Variants in SOX5 observed in about 807,000 individuals in gnomAD.
SOX5 encodes the protein SRY-box transcription factor 5.
Under a neutral mutation model 92.0 loss-of-function variants are expected in SOX5, and 9 were observed. That is an observed-to-expected ratio of 0.10 (90% CI 0.06 to 0.17). The LOEUF (loss-of-function observed/expected upper bound fraction) is 0.17. Among genes scored for constraint, SOX5 ranks in the 10% least tolerant of loss-of-function variants. SOX5 has a pLI of 1.00. For missense variants in SOX5, 642 were observed against 944.5 expected (o/e 0.68, Z 4.20); for synonymous variants, 344 against 336.3 (o/e 1.02, Z -0.25).
intron 1 of SOX5, among the ~76,000 whole-genome samples, chr12:23,913,594 G>A (rs946797634): frequency 4.6e-5 from 7 of 151,938 alleles, no homozygotes; most frequent in Admixed American, 6.6e-5. Context: ...AAATTAGCCA[G>A]GTGTGGTGGC....
chr12:24,274,988 T>C (rs534599626), intron 3 of SOX5, among the ~76,000 whole-genome samples: 1 of 152,272 alleles, frequency 6.6e-6, no homozygotes, highest in East Asian at 1.9e-4. Flanking sequence ...ATGATCAAGA[T>C]GTCTAAGTGG....
intron 1 of SOX5, among the ~76,000 whole-genome samples, chr12:24,439,328 G>A (rs772859809): frequency 3.8e-4 from 58 of 152,298 alleles, no homozygotes; most frequent in Non-Finnish European, 4.7e-4. Context: ...CTGATTGATT[G>A]TAATATTTGC....
chr12:24,254,354 C>T (rs887363883), intron 3 of SOX5, among the ~76,000 whole-genome samples: 1 of 150,196 alleles, frequency 6.7e-6, no homozygotes, highest in Non-Finnish European at 1.5e-5. Flanking sequence ...TTGTGAGGGG[C>T]TTATGTCCTC....
chr12:23,759,296 A>G (rs1279134675), intron 3 of SOX5, among the ~76,000 whole-genome samples: 1 of 152,046 alleles, frequency 6.6e-6, no homozygotes, highest in Non-Finnish European at 1.5e-5. Context: ...GACAACCTAT[A>G]AGTATATAGC....
At chr12:23,985,670 T>G (rs954814509) in intron 4 of SOX5, among the ~76,000 whole-genome samples, 3 of 151,986 alleles carry the variant, frequency 2.0e-5, no homozygotes, top group African/African-American at 7.2e-5. Flanking sequence ...TTATTTTTTT[T>G]TTTCCAAGAG....
intron 1 of SOX5, among the ~76,000 whole-genome samples, chr12:24,428,223 A>AC (rs933031879): frequency 6.6e-6 from 1 of 152,038 alleles, no homozygotes; most frequent in African/African-American, 2.4e-5. Context: ...AAAAAAAAAA[A>AC]AAACCTGAGT....
intron 10 of SOX5, among the ~76,000 whole-genome samples, chr12:23,574,161 C>A (rs1362305870): frequency 6.6e-6 from 1 of 151,938 alleles, no homozygotes; most frequent in Non-Finnish European, 1.5e-5. Context: ...TAATGCAATA[C>A]CTATGATTCT....
At chr12:23,649,755 C>T (rs1029539248) in intron 7 of SOX5, among the ~76,000 whole-genome samples, 1 of 151,996 alleles carries the variant, frequency 6.6e-6, no homozygotes, top group Non-Finnish European at 1.5e-5. Context: ...TATAGTTGTG[C>T]ATATTTAGAT....
intron 4 of SOX5, among the ~76,000 whole-genome samples, chr12:24,036,869 A>T (rs1311252200): frequency 2.6e-5 from 4 of 152,206 alleles, no homozygotes; most frequent in Non-Finnish European, 5.9e-5. Context: ...ATTTCCTGAC[A>T]ATAAAGAATC....
At position 24,535,696 on chromosome 12, in the gene SOX5, T is replaced by C. The variant is rs372449001; in HGVS notation, c.-251+26633A>G. ...GCTAGAGCATGAAGTATGAAAATCA[T>C]ACAGAAAAATAAGGTATCTGTTGAA... On this transcript the variant is annotated intron_variant, in intron 1 of 4. Transcript: ENST00000446891. Among the ~76,000 whole-genome samples, 178 of 152,340 alleles carry C rather than the reference T, an allele frequency of 1.2e-3. 3 individuals are homozygous for C. The South Asian group carries it at 0.033, about 28-fold the overall frequency.
At chr12:23,744,378 T>G (rs1294700291) in intron 4 of SOX5, among the ~76,000 whole-genome samples, 1 of 152,150 alleles carries the variant, frequency 6.6e-6, no homozygotes, top group African/African-American at 2.4e-5. Flanking sequence ...TATTTTTAGA[T>G]GCAGAATGGG....
intron 4 of SOX5, among the ~76,000 whole-genome samples, chr12:24,145,912 G>C (rs542243659): frequency 6.6e-6 from 1 of 152,314 alleles, no homozygotes; most frequent in African/African-American, 2.4e-5. Context: ...TCATAATAAT[G>C]AAGAGGTCAA....
At chr12:24,451,283 T>C (rs12422624) in intron 1 of SOX5, among the ~76,000 whole-genome samples, 4,636 of 152,306 alleles carry the variant, frequency 0.03, 105 homozygotes, top group Admixed American at 0.044. Context: ...TATATATATA[T>C]ACTGATTCCT....
At chr12:23,598,775 A>G (rs1485633664) in intron 9 of SOX5, among the ~76,000 whole-genome samples, 2 of 152,118 alleles carry the variant, frequency 1.3e-5, no homozygotes, top group African/African-American at 4.8e-5. Context: ...TGTTAGTGGT[A>G]GGTAGACTTG....
At chr12:23,896,213 G>A (rs1192753115) in intron 1 of SOX5, among the ~76,000 whole-genome samples, 189 bp from the exon 2 acceptor site, 1 of 152,164 alleles carries the variant, frequency 6.6e-6, no homozygotes, top group Non-Finnish European at 1.5e-5. Flanking sequence ...ACAGAACAGT[G>A]CTTGTTTGTT....
intron 11 of SOX5, among the ~76,000 whole-genome samples, chr12:23,562,022 C>T (rs1240180024): frequency 6.6e-6 from 1 of 152,148 alleles, no homozygotes; most frequent in Admixed American, 6.5e-5. Context: ...AGCATCCTTT[C>T]AAGAATGTTT....
chr12:24,407,765 A>G (rs1371974241), intron 1 of SOX5, among the ~76,000 whole-genome samples: 2 of 152,234 alleles, frequency 1.3e-5, no homozygotes, highest in Admixed American at 6.5e-5. Flanking sequence ...AGTGATCAGC[A>G]GAAGGAATGG....
At chr12:23,610,717 C>A (rs942073042) in intron 8 of SOX5, among the ~76,000 whole-genome samples, 1 of 152,028 alleles carries the variant, frequency 6.6e-6, no homozygotes, top group Non-Finnish European at 1.5e-5. Context: ...TCACTCATTT[C>A]ATTTGCTTGA....
At chr12:23,758,008 CAAAAAAAAAA>C (rs34841595) in intron 3 of SOX5, among the ~76,000 whole-genome samples, 21 of 68,250 alleles carry the variant, frequency 3.1e-4, no homozygotes, top group African/African-American at 8.3e-4. Flanking sequence ...GCACACACTA[CAAAAAAAAAA>C]AAAAAAAAAA....
Sources: gnomAD v4.1 joint callset for allele counts (sites outside exome capture counted in the v4.1 genomes callset) on GRCh38, gnomAD v4.1.1 for gene constraint, MANE v1.5 for transcripts, NCBI Gene and HGNC (gene_info 2026-07-23, HGNC 2026-07-21) for gene names.